The following PDXDC1 variants were observed in gnomAD, a reference collection of about 807,000 sequenced individuals.
The protein encoded by PDXDC1 is pyridoxal-dependent decarboxylase domain-containing protein 1.
Under a neutral mutation model 100.1 loss-of-function variants are expected in PDXDC1, and 42 were observed. The observed-to-expected ratio is 0.42, with a 90% confidence interval of 0.33 to 0.54. The LOEUF (loss-of-function observed/expected upper bound fraction) is 0.54, where lower values mean the gene tolerates loss of function less well. Ranked by LOEUF, PDXDC1 falls within the 20% of genes least tolerant of loss-of-function variation. The pLI is 0.10. For synonymous variants in PDXDC1, 260 were observed against 371.7 expected, an observed-to-expected ratio of 0.70 and a Z score of 3.46; for missense variants, 636 against 979.2, an observed-to-expected ratio of 0.65 and a Z score of 4.68.
At chr16:15,047,694 C>G in intron 16 of PDXDC1, 3 of 893,118 alleles carry the variant, frequency 3.4e-6, no homozygotes, top group South Asian at 1.4e-5. Context: ...CCCCAGCCAA[C>G]CCATTCTGAC....
intron 1 of PDXDC1, among the ~76,000 whole-genome samples, chr16:14,977,626 T>A (rs1966998900): frequency 6.6e-6 from 1 of 152,292 alleles, no homozygotes; most frequent in South Asian, 2.1e-4. Flanking sequence ...TTAGATGGAA[T>A]AAACGATTTA....
intron 12 of PDXDC1, among the ~76,000 whole-genome samples, 188 bp downstream of exon 12, chr16:15,019,153 G>C (rs544659565): frequency 7.9e-5 from 12 of 152,394 alleles, no homozygotes; most frequent in Admixed American, 7.8e-4. Context: ...TGGGTTGTCT[G>C]TCCCAGCATT....
rs1277132377 is a variant in PDXDC1, at chr16:15,028,585, G to C, written c.1205-293G>C. Among the ~76,000 whole-genome samples the C allele has an allele frequency of 3.3e-5, 5 of 152,300 alleles. No homozygotes were observed. The South Asian group carries it at 8.3e-4, about 25-fold the overall frequency. On this transcript the variant is annotated intron_variant, in intron 14 of 22. Transcript: ENST00000396410. ...ACTCACAGACCTCGCACGGTGCTTG[G>C]TAAACTAGTTAGTAACTTAAAACAA...
chr16:15,082,353 T>C (rs2045743142), intron 16 of PDXDC1, among the ~76,000 whole-genome samples: 1 of 152,142 alleles, frequency 6.6e-6, no homozygotes, highest in Non-Finnish European at 1.5e-5. Context: ...TGCTACAAAA[T>C]ATTTTATTAA....
chr16:15,026,820 G>C (rs1416963553), intron 14 of PDXDC1, 114 bp downstream of exon 14: 57 of 1,135,860 alleles, frequency 5.0e-5, no homozygotes, highest in Non-Finnish European at 5.8e-5. Flanking sequence ...TCTTCAGTCA[G>C]CATTTCAGAA....
At position 15,033,348 on chromosome 16, in the gene PDXDC1, G is replaced by C; in HGVS notation, c.1761G>C (p.Glu587Asp). The C allele has an allele frequency of 6.2e-7, 1 of 1,614,190 alleles. No homozygotes were observed. The highest frequency in any genetic ancestry group is 8.5e-7 in the Non-Finnish European group (1 of 1,180,024). Residue 587 changes from glutamate (E) to aspartate (D), a missense_variant, in exon 19 of 23, where the codon GAG becomes GAC. Coordinates refer to ENST00000396410, the MANE Select transcript of PDXDC1 (RefSeq NM_015027.4). Reference sequence around the variant, plus strand: ...CGAGCGACAACGTCGATGCTGCTGAGCTCGTGGAGACCATTGCGGCCACAG... The same window carrying C: ...CGAGCGACAACGTCGATGCTGCTGACCTCGTGGAGACCATTGCGGCCACAG... The part of the protein sequence containing the change: ...GMASDNVDAA[E>D]LVETIAATAR...
chr16:15,128,279 T>C (rs1311151086), intron 16 of PDXDC1: 3 of 1,611,000 alleles, frequency 1.9e-6, no homozygotes, highest in Non-Finnish European at 2.5e-6. Context: ...GGGGTGGCGA[T>C]CCGGAAGATG....
intron 12 of PDXDC1, among the ~76,000 whole-genome samples, chr16:15,021,858 C>T (rs1336983708): frequency 2.0e-5 from 3 of 152,294 alleles, no homozygotes; most frequent in Non-Finnish European, 2.9e-5. Flanking sequence ...TCTTCTTTCT[C>T]GTCTTCAGTA....
At chr16:15,093,384 C>T (rs2046217948) in intron 16 of PDXDC1, among the ~76,000 whole-genome samples, 1 of 152,198 alleles carries the variant, frequency 6.6e-6, no homozygotes, top group South Asian at 2.1e-4. Flanking sequence ...CCTTCTCTCC[C>T]TTCTCCCTCC....
intron 16 of PDXDC1, among the ~76,000 whole-genome samples, chr16:15,109,891 C>T (rs1221071490): frequency 7.1e-5 from 10 of 141,400 alleles, no homozygotes; most frequent in Non-Finnish European, 1.4e-4. Flanking sequence ...TGGTGGCTCA[C>T]GCCTCTAATC....
intron 3 of PDXDC1, 97 bp from the exon 4 acceptor site, chr16:15,001,679 A>T: frequency 1.9e-6 from 2 of 1,051,392 alleles, no homozygotes; most frequent in Non-Finnish European, 1.3e-6. Flanking sequence ...AGAAAAAAAA[A>T]ACTTGAAGCA....
At chr16:15,092,827 G>A (rs185363995) in intron 16 of PDXDC1, among the ~76,000 whole-genome samples, 1 of 152,064 alleles carries the variant, frequency 6.6e-6, no homozygotes, top group Non-Finnish European at 1.5e-5. Context: ...AAATCTCTCA[G>A]TGTGGTCTTT....
chr16:15,066,526 G>A (rs1264822747), intron 16 of PDXDC1, among the ~76,000 whole-genome samples: 14 of 151,706 alleles, frequency 9.2e-5, no homozygotes, highest in Non-Finnish European at 1.2e-4. Context: ...CCAGCTATTC[G>A]GGAGGCTGAG....
At chr16:15,003,362 G>T in intron 4 of PDXDC1, among the ~76,000 whole-genome samples, 1 of 152,182 alleles carries the variant, frequency 6.6e-6, no homozygotes, top group Non-Finnish European at 1.5e-5. Context: ...GATTACAGGT[G>T]CCCACCACCA....
At chr16:15,051,411 G>A (rs1257331213) in intron 16 of PDXDC1, among the ~76,000 whole-genome samples, 2 of 152,104 alleles carry the variant, frequency 1.3e-5, no homozygotes, top group African/African-American at 2.4e-5. Context: ...GGAGTGCAGC[G>A]GCGAGATCGT....
At chr16:15,140,245 G>C (rs1289622518), downstream of PDXDC1, among the ~76,000 whole-genome samples, 1 of 151,132 alleles carries the variant, frequency 6.6e-6, no homozygotes, top group Non-Finnish European at 1.5e-5. Context: ...AGGAGTTCAA[G>C]ACCAGACTGA....
chr16:15,071,135 T>A, intron 16 of PDXDC1: 1 of 1,609,082 alleles, frequency 6.2e-7, no homozygotes, highest in Non-Finnish European at 8.5e-7. Flanking sequence ...GAGGAATAAA[T>A]TTAGCTCTTG....
At chr16:15,076,192 G>C in intron 16 of PDXDC1, among the ~76,000 whole-genome samples, 1 of 152,120 alleles carries the variant, frequency 6.6e-6, no homozygotes, top group Non-Finnish European at 1.5e-5. Flanking sequence ...CCCAACTTCA[G>C]ATACCACCCA....
At position 14,988,305 on chromosome 16, in the gene PDXDC1, G is replaced by C. The variant is rs1245445206; in HGVS notation, c.22-9448G>C. On this transcript the variant is annotated intron_variant, in intron 1 of 22. Transcript: ENST00000396410. ...ACTCCTGCAGAGGGGCTTGGCTCCA[G>C]GCCCACAGTACTCGTTGTAGATGAG... 5 of 1,613,368 alleles carry C rather than the reference G, an allele frequency of 3.1e-6. No individual in the cohort carries two copies. The African/African-American group carries it at 4.0e-5, about 13-fold the overall frequency.
Sources: gnomAD v4.1 joint callset for allele counts (sites outside exome capture counted in the v4.1 genomes callset) on GRCh38, gnomAD v4.1.1 for gene constraint, MANE v1.5 for transcripts, NCBI Gene and HGNC (gene_info 2026-07-23, HGNC 2026-07-21) for gene names.